The following COL24A1 variants were observed in gnomAD, a reference collection of about 807,000 sequenced individuals.
The protein encoded by COL24A1 is collagen type XXIV alpha 1 chain.
Under a neutral mutation model 253.9 loss-of-function variants are expected in COL24A1, and 224 were observed. The ratio of observed to expected loss-of-function variants is 0.88; its 90% CI spans 0.79 to 0.99. The LOEUF (loss-of-function observed/expected upper bound fraction) is 0.99, where lower values mean the gene tolerates loss of function less well. Ranked by LOEUF, COL24A1 falls within the 50% of genes least tolerant of loss-of-function variation. The pLI is 0.00. For synonymous variants in COL24A1, 685 were observed against 673.7 expected (o/e 1.02, Z -0.26); for missense variants, 2,131 against 2,068.5 (o/e 1.03, Z -0.59).
Position 85,786,424 on chromosome 1 carries a change from C to CT in COL24A1, c.3988_3989insA (p.Gly1330GlufsTer26). On this transcript the variant is annotated frameshift_variant, in exon 48 of 60. Coordinates refer to ENST00000370571, the MANE Select transcript of COL24A1 (RefSeq NM_152890.7). LOFTEE classifies it high-confidence loss of function. Reference sequence around the variant, plus strand: ...CTTTACTCCTGGAGGACCTGGAGCCCCAGCAAGACCTGTTCTTCCTGGGCC... The same window carrying CT: ...CTTTACTCCTGGAGGACCTGGAGCCCTCAGCAAGACCTGTTCTTCCTGGGCC... 2 of 1,613,602 alleles carry CT rather than the reference C, an allele frequency of 1.2e-6. No individual in the cohort carries two copies. The highest frequency in any genetic ancestry group is 1.7e-6 in the Non-Finnish European group (2 of 1,179,762).
At chr1:86,055,021 C>T (rs1045131299) in intron 10 of COL24A1, among the ~76,000 whole-genome samples, 22 of 152,072 alleles carry the variant, frequency 1.4e-4, no homozygotes, top group African/African-American at 3.1e-4. Context: ...GGCCATTATC[C>T]TAAGCAAATT....
At chr1:85,995,850 G>A (rs558605125) in intron 19 of COL24A1, among the ~76,000 whole-genome samples, 1 of 152,106 alleles carries the variant, frequency 6.6e-6, no homozygotes, top group Admixed American at 6.5e-5. Context: ...CTCCTGCTCC[G>A]GCCACGTAAG....
intron 7 of COL24A1, among the ~76,000 whole-genome samples, chr1:86,087,533 C>G (rs967820133): frequency 2.0e-5 from 3 of 152,128 alleles, no homozygotes; most frequent in Admixed American, 1.3e-4. Context: ...CTTAATGTGT[C>G]CTTTTCTGGA....
At chr1:86,096,750 G>T (rs574942680) in intron 5 of COL24A1, among the ~76,000 whole-genome samples, 2 of 152,130 alleles carry the variant, frequency 1.3e-5, no homozygotes, top group African/African-American at 4.8e-5. Flanking sequence ...GTGACTAAGA[G>T]AAAAAATTCA....
intron 8 of COL24A1, among the ~76,000 whole-genome samples, chr1:86,059,857 G>C (rs1200776320): frequency 1.3e-5 from 2 of 152,218 alleles, no homozygotes; most frequent in East Asian, 3.9e-4. Context: ...TTATAAAGAG[G>C]CCATGTGAGA....
intron 7 of COL24A1, among the ~76,000 whole-genome samples, chr1:86,087,023 T>A (rs1426656733): frequency 4.6e-5 from 7 of 152,200 alleles, no homozygotes; most frequent in Non-Finnish European, 8.8e-5. Context: ...TCTTCCTTTA[T>A]CAGAAAGTAA....
chr1:85,925,403 C>A (rs965313706), intron 24 of COL24A1, among the ~76,000 whole-genome samples: 1 of 152,164 alleles, frequency 6.6e-6, no homozygotes, highest in Non-Finnish European at 1.5e-5. Flanking sequence ...GGAGGCATCA[C>A]ACTACCTGAC....
chr1:85,892,465 T>C (rs1683230354), intron 31 of COL24A1, among the ~76,000 whole-genome samples: 1 of 151,938 alleles, frequency 6.6e-6, no homozygotes, highest in African/African-American at 2.4e-5. Flanking sequence ...ACAAGAAATA[T>C]AAAGGATGTT....
chr1:85,874,777 G>C (rs377732989), intron 34 of COL24A1, 75 bp from the exon 35 acceptor site: 2 of 1,510,410 alleles, frequency 1.3e-6, no homozygotes, highest in Non-Finnish European at 1.8e-6. Context: ...CATGCCATAC[G>C]GCACAGTTCC....
At chr1:85,963,238 G>T (rs953777363) in intron 23 of COL24A1, among the ~76,000 whole-genome samples, 1 of 152,000 alleles carries the variant, frequency 6.6e-6, no homozygotes, top group African/African-American at 2.4e-5. Context: ...TATGTATTTA[G>T]ATAAATAGTA....
chr1:85,979,821 C>T (rs965199362), intron 20 of COL24A1, among the ~76,000 whole-genome samples: 4 of 152,120 alleles, frequency 2.6e-5, no homozygotes, highest in African/African-American at 9.7e-5. Flanking sequence ...AGGGGATCCT[C>T]CCTAAATCAT....
chr1:85,881,089 G>A (rs150907827), intron 32 of COL24A1, among the ~76,000 whole-genome samples: 2,271 of 152,232 alleles, frequency 0.015, 34 homozygotes, highest in South Asian at 0.059. Context: ...TCTATTTTCT[G>A]GAACAGCTTG....
intron 2 of COL24A1, among the ~76,000 whole-genome samples, chr1:86,136,262 C>T (rs1650231239): frequency 6.6e-6 from 1 of 152,088 alleles, no homozygotes; most frequent in African/African-American, 2.4e-5. Flanking sequence ...CTGCCTTCCC[C>T]AGACCCTGTA....
At chr1:86,059,334 A>G (rs771844422) in intron 8 of COL24A1, among the ~76,000 whole-genome samples, 160 bp from the exon 9 acceptor site, 18 of 152,186 alleles carry the variant, frequency 1.2e-4, no homozygotes. Context: ...AAAATGGACA[A>G]AAATTGCTAA....
intron 10 of COL24A1, among the ~76,000 whole-genome samples, chr1:86,057,511 T>C (rs112409930): frequency 2.8e-4 from 42 of 152,320 alleles, no homozygotes; most frequent in African/African-American, 1.0e-3. Context: ...CTGGATACAA[T>C]AAGGTTATTT....
At chr1:85,969,361 T>C (rs967306376) in intron 22 of COL24A1, among the ~76,000 whole-genome samples, 1 of 151,880 alleles carries the variant, frequency 6.6e-6, no homozygotes, top group Non-Finnish European at 1.5e-5. Flanking sequence ...TCCCAGCACT[T>C]TGGGAGGCCG....
intron 37 of COL24A1, among the ~76,000 whole-genome samples, chr1:85,861,180 GA>G (rs1679107291): frequency 6.6e-6 from 1 of 152,262 alleles, no homozygotes; most frequent in African/African-American, 2.4e-5. Flanking sequence ...TAGTAGGTAT[GA>G]AGTGGTATCT....
chr1:86,124,759 C>T (rs1647966477), intron 3 of COL24A1, 86 bp downstream of exon 3: 3 of 1,040,734 alleles, frequency 2.9e-6, no homozygotes, highest in Non-Finnish European at 2.7e-6. Flanking sequence ...TTGTTTGGTC[C>T]AGAGAACTCT....
intron 41 of COL24A1, 70 bp downstream of exon 41, chr1:85,841,998 C>G: frequency 7.5e-7 from 1 of 1,328,062 alleles, no homozygotes. Context: ...TTTTTCCATG[C>G]AGTCTTTCAG....
Sources: allele counts gnomAD v4.1 joint callset (sites outside exome capture counted in the v4.1 genomes callset), GRCh38; gene constraint gnomAD v4.1.1; transcripts MANE v1.5; gene names NCBI Gene and HGNC (gene_info 2026-07-23, HGNC 2026-07-21).